TRIOBP: variants seen among roughly 807,000 people sequenced by gnomAD.
TRIOBP encodes the protein TRIO and F-actin-binding protein.
In TRIOBP, 169 loss-of-function variants were observed where a neutral mutation model predicts 238.8. The ratio of observed to expected loss-of-function variants is 0.71; its 90% CI spans 0.62 to 0.80. The LOEUF (loss-of-function observed/expected upper bound fraction) is 0.80. TRIOBP is among the 30% of genes least tolerant of loss of function. TRIOBP has a pLI of 0.00. For missense variants in TRIOBP, 2,838 were observed against 3,122.6 expected, an observed-to-expected ratio of 0.91 and a Z score of 2.17; for synonymous variants, 1,150 against 1,274.4, an observed-to-expected ratio of 0.90 and a Z score of 2.08.
At chr22:37,737,330 C>T (rs918441245) in intron 9 of TRIOBP, among the ~76,000 whole-genome samples, 5 of 152,104 alleles carry the variant, frequency 3.3e-5, no homozygotes, top group Admixed American at 6.6e-5. Flanking sequence ...ACCACCAGGT[C>T]CTGCTGGGGC....
At chr22:37,721,460 C>G (rs1923825506) in intron 6 of TRIOBP, among the ~76,000 whole-genome samples, 1 of 152,180 alleles carries the variant, frequency 6.6e-6, no homozygotes, top group South Asian at 2.1e-4. Flanking sequence ...TGCATGAAGG[C>G]AACTGTGGCT....
intron 17 of TRIOBP, among the ~76,000 whole-genome samples, chr22:37,763,536 A>C (rs1233992124): frequency 1.3e-5 from 2 of 152,074 alleles, no homozygotes; most frequent in African/African-American, 2.4e-5. Context: ...ACAGTCCCTC[A>C]TCTGGTCCTC....
At chr22:37,700,403 G>A (rs1429820624) in intron 2 of TRIOBP, among the ~76,000 whole-genome samples, 2 of 150,704 alleles carry the variant, frequency 1.3e-5, no homozygotes, top group African/African-American at 2.4e-5. Context: ...TCTGCCTCCC[G>A]AGTAGCTTGG....
At chr22:37,755,888 T>C (rs1375212437) in intron 15 of TRIOBP, among the ~76,000 whole-genome samples, 3 of 152,220 alleles carry the variant, frequency 2.0e-5, no homozygotes, top group African/African-American at 7.2e-5. Flanking sequence ...TTGGAGGAGA[T>C]GCCTGTGAGT....
Position 37,734,513 on chromosome 22 carries a change from C to T in TRIOBP, c.4177C>T (p.Pro1393Ser). 6.2e-7 allele frequency: 1 copy of T among 1,606,582 alleles called. No homozygotes were observed. The highest frequency in any genetic ancestry group is 8.5e-7 in the Non-Finnish European group (1 of 1,177,204). Reference protein sequence around the residue: ...PEGDRQLQGSPLPPRTSARTP... With the variant: ...PEGDRQLQGSSLPPRTSARTP... ...GGGAGATCGGCAGCTCCAGGGGTCC[C>T]CGCTGCCCCCCAGGACATCAGCCAG... Residue 1393 changes from proline (P) to serine (S), a missense_variant, in exon 9 of 24, where the codon CCG (proline) becomes TCG (serine). Physicochemically the swap from Pro to Ser is moderately conservative, Grantham distance 74 (BLOSUM62 -1). Transcript: ENST00000644935.
intron 2 of TRIOBP, among the ~76,000 whole-genome samples, chr22:37,698,354 CTTTTTTTTTTTTTTT>C (rs1175913171): frequency 1.4e-4 from 8 of 57,932 alleles, no homozygotes; most frequent in Non-Finnish European, 2.4e-4. Context: ...CTGCAAGAGC[CTTTTTTTTTTTTTTT>C]TTTTTTTTTG....
intron 17 of TRIOBP, among the ~76,000 whole-genome samples, chr22:37,764,584 A>T (rs1323662695): frequency 6.6e-6 from 1 of 152,140 alleles, no homozygotes; most frequent in Non-Finnish European, 1.5e-5. Context: ...CTGTACACAT[A>T]CGACTTTCTG....
Position 37,771,984 on chromosome 22 carries a change from A to G in TRIOBP, c.6936+248A>G, listed in dbSNP as rs1926800172. ...TTTAGCATTATTTAATTTATTGATT[A>G]TTATTGAGCACCTACTATATCCTGG... On this transcript the variant is annotated intron_variant, in intron 22 of 23. Transcript: ENST00000644935. The G allele has an allele frequency of 1.4e-5, 8 of 587,982 alleles. 1 individual carries two copies. Among genetic ancestry groups the G allele is most frequent in the South Asian group, 1.3e-4 (8 of 59,714 alleles). 36.4% of individuals were successfully genotyped at this position (587,982 alleles called of 1,614,324 possible). A position where few individuals can be genotyped will look rare whatever the true frequency, so the allele number is the denominator to read the frequency against.
chr22:37,755,203 G>A lies in TRIOBP; in HGVS notation c.5577+13G>A. 2 of 1,607,434 alleles carry A rather than the reference G, an allele frequency of 1.2e-6. No homozygotes were observed. The highest frequency in any genetic ancestry group is 1.7e-6 in the Non-Finnish European group (2 of 1,176,962). On this transcript the variant is annotated intron_variant, in intron 14 of 23. Transcript: ENST00000644935. ...CTTCCAGATCCACGTGAGGCTGTGT[G>A]CAGCTTGGGGGCTGGTGGTGGGCAG...
intron 6 of TRIOBP, among the ~76,000 whole-genome samples, chr22:37,720,951 G>A (rs1159748505): frequency 2.0e-5 from 3 of 152,010 alleles, no homozygotes; most frequent in African/African-American, 7.2e-5. Flanking sequence ...TCCACCTCCC[G>A]GGTTCAAGCA....
intron 9 of TRIOBP, among the ~76,000 whole-genome samples, chr22:37,737,062 G>A (rs1050765971): frequency 1.2e-4 from 19 of 152,232 alleles, no homozygotes; most frequent in African/African-American, 4.3e-4. Context: ...CATCAGAGAA[G>A]CAGGGATAAG....
At chr22:37,756,048 C>T (rs890856776) in intron 15 of TRIOBP, among the ~76,000 whole-genome samples, 2 of 152,306 alleles carry the variant, frequency 1.3e-5, no homozygotes, top group South Asian at 4.1e-4. Flanking sequence ...GAGGCTGCCA[C>T]GGGCACTGGG....
At chr22:37,751,936 G>T (rs1925631057) in intron 12 of TRIOBP, 108 bp downstream of exon 12, 3 of 960,252 alleles carry the variant, frequency 3.1e-6, no homozygotes, top group Admixed American at 4.0e-5. Flanking sequence ...AACCCTGGGG[G>T]TGGGGCTGGG....
At chr22:37,754,805 G>A in intron 12 of TRIOBP, 72 bp from the exon 13 acceptor site, 1 of 1,487,380 alleles carries the variant, frequency 6.7e-7, no homozygotes, top group Non-Finnish European at 9.4e-7. Flanking sequence ...GTGCAGCATA[G>A]TGAGTTTGGC....
intron 9 of TRIOBP, among the ~76,000 whole-genome samples, chr22:37,737,319 A>G (rs538735444): frequency 1.3e-5 from 2 of 152,236 alleles, no homozygotes; most frequent in African/African-American, 4.8e-5. Flanking sequence ...CAAAACGAGT[A>G]ACCACCAGGT....
intron 6 of TRIOBP, among the ~76,000 whole-genome samples, chr22:37,719,962 C>CCACACTGCCCTCACTGTTTCCCTCAT (rs1923732472): frequency 1.8e-5 from 1 of 54,810 alleles, no homozygotes; most frequent in Non-Finnish European, 4.7e-5. Context: ...ACCTCAGGCC[C>CCACACTGCCCTCACTGTTTCCCTCAT]CACACTGCAC....
chr22:37,714,875 T>C (rs992553453), intron 5 of TRIOBP, among the ~76,000 whole-genome samples: 3 of 152,016 alleles, frequency 2.0e-5, no homozygotes, highest in Non-Finnish European at 4.4e-5. Context: ...AGAGACAGGG[T>C]CTCACTGTGT....
intron 4 of TRIOBP, among the ~76,000 whole-genome samples, chr22:37,712,381 G>T (rs1923296161): frequency 6.6e-6 from 1 of 151,864 alleles, no homozygotes; most frequent in African/African-American, 2.4e-5. Context: ...ACCCAGGCTG[G>T]AGCGCAATGG....
At chr22:37,755,225 G>T in intron 14 of TRIOBP, 35 bp downstream of exon 14, 1 of 1,594,612 alleles carries the variant, frequency 6.3e-7, no homozygotes, top group South Asian at 1.1e-5. Flanking sequence ...CTGGTGGTGG[G>T]CAGCATGGCT....
Sources: gnomAD v4.1 joint callset for allele counts (sites outside exome capture counted in the v4.1 genomes callset) on GRCh38, gnomAD v4.1.1 for gene constraint, MANE v1.5 for transcripts, NCBI Gene and HGNC (gene_info 2026-07-23, HGNC 2026-07-21) for gene names.